MAD1L1: variants seen among roughly 807,000 people sequenced by gnomAD.
The protein encoded by MAD1L1 is mitotic arrest deficient 1 like 1, also known as mitotic spindle assembly checkpoint protein MAD1.
MAD1L1 carries 95 observed loss-of-function variants against 96.9 expected under a neutral mutation model. That is an observed-to-expected ratio of 0.98 (90% CI 0.83 to 1.16). MAD1L1 has a LOEUF of 1.16. Ranked by LOEUF, MAD1L1 falls within the 50% of genes most tolerant of loss-of-function variation. The pLI is 0.00. For synonymous variants in MAD1L1, 473 were observed against 396.6 expected (o/e 1.19, Z -2.29); for missense variants, 1,007 against 954.4 (o/e 1.06, Z -0.73).
At chr7:2,083,863 G>A (rs1010411511) in intron 11 of MAD1L1, among the ~76,000 whole-genome samples, 1 of 152,178 alleles carries the variant, frequency 6.6e-6, no homozygotes, top group African/African-American at 2.4e-5. Context: ...GTGTCTGCTG[G>A]GCCCATCCTG....
At chr7:2,001,958 A>C (rs1781816334) in intron 14 of MAD1L1, 107 bp downstream of exon 14, 1 of 1,143,596 alleles carries the variant, frequency 8.7e-7, no homozygotes, top group Non-Finnish European at 1.3e-6. Flanking sequence ...CAGAAGAGGC[A>C]GCCATGCACT....
chr7:1,864,829 T>C (rs1784704968), intron 18 of MAD1L1, among the ~76,000 whole-genome samples: 1 of 152,162 alleles, frequency 6.6e-6, no homozygotes, highest in African/African-American at 2.4e-5. Context: ...GCGTACTCTC[T>C]GCACACAACA....
rs558600849 is a variant in MAD1L1, at chr7:1,992,585, C to T, written c.1416+9480G>A. ...CCCTACAGAAAGGGCCTCCCTCCCT[C>T]CTATCAGCTCCAATCCTACATCTGC... On this transcript the variant is annotated intron_variant, in intron 14 of 18. Coordinates refer to ENST00000265854, the MANE Select transcript of MAD1L1 (RefSeq NM_001013836.2). 8.5e-5 allele frequency among the ~76,000 whole-genome samples: 13 copies of T among 152,296 alleles called. No individual in the cohort carries two copies. The South Asian group carries it at 1.5e-3, about 17-fold the overall frequency.
rs754107594 is a variant in MAD1L1 at position 2,220,880 on chromosome 7, G to A, written c.472-1424C>T. 6.2e-6 allele frequency: 10 copies of A among 1,608,062 alleles called. No homozygotes were observed. The East Asian group carries it at 6.7e-5, about 11-fold the overall frequency. ...GAGGTCTTCCGAACTCAATTAATACGCACCGTGTGCCAGGGGCAAGGCCAG... is the reference window on the plus strand; with the variant it reads ...GAGGTCTTCCGAACTCAATTAATACACACCGTGTGCCAGGGGCAAGGCCAG... On this transcript the variant is annotated intron_variant, in intron 5 of 18. Coordinates refer to ENST00000265854, the MANE Select transcript of MAD1L1 (RefSeq NM_001013836.2).
At chr7:2,223,796 G>A (rs762114261) in intron 4 of MAD1L1, among the ~76,000 whole-genome samples, 28 of 152,186 alleles carry the variant, frequency 1.8e-4, no homozygotes, top group Non-Finnish European at 3.4e-4. Context: ...CAGTCCCAGC[G>A]CAGACAGGGC....
intron 1 of MAD1L1, among the ~76,000 whole-genome samples, chr7:2,231,724 T>C (rs1161375600): frequency 1.3e-5 from 2 of 152,206 alleles, no homozygotes; most frequent in African/African-American, 4.8e-5. Flanking sequence ...TCATTGTTTA[T>C]TTCTAGTGAC....
At chr7:2,195,706 T>C (rs534369354) in intron 10 of MAD1L1, among the ~76,000 whole-genome samples, 5 of 152,350 alleles carry the variant, frequency 3.3e-5, no homozygotes, top group African/African-American at 9.6e-5. Context: ...AGTTAAACGC[T>C]TCCTCTCCCA....
intron 11 of MAD1L1, among the ~76,000 whole-genome samples, chr7:2,123,229 C>T (rs1443943887): frequency 6.8e-6 from 1 of 147,282 alleles, no homozygotes; most frequent in Non-Finnish European, 1.5e-5. Context: ...GGCATGAACC[C>T]GGAAAGCGGA....
intron 15 of MAD1L1, among the ~76,000 whole-genome samples, chr7:1,960,744 C>T (rs1020290502): frequency 6.6e-6 from 1 of 152,134 alleles, no homozygotes; most frequent in African/African-American, 2.4e-5. Context: ...GATAGAACAA[C>T]GGGCAAAAAA....
chr7:1,875,152 G>A (rs112592597), intron 18 of MAD1L1, among the ~76,000 whole-genome samples: 155 of 152,274 alleles, frequency 1.0e-3, no homozygotes, highest in Admixed American at 3.3e-3. Context: ...GGCTGCCCCA[G>A]AGCCCCCCAC....
intron 1 of MAD1L1, among the ~76,000 whole-genome samples, chr7:2,232,523 C>T (rs1794251140): frequency 6.6e-6 from 1 of 152,228 alleles, no homozygotes; most frequent in African/African-American, 2.4e-5. Context: ...GCCCGGGGAC[C>T]CACACGGTAG....
At chr7:1,878,715 A>G (rs1785514456) in intron 18 of MAD1L1, among the ~76,000 whole-genome samples, 1 of 140,872 alleles carries the variant, frequency 7.1e-6, no homozygotes, top group African/African-American at 2.6e-5. Context: ...CTAGCATCAG[A>G]AACAAGGTAA....
Position 2,114,041 on chromosome 7 carries a change from T to A in MAD1L1, c.1073+35111A>T, listed in dbSNP as rs1374591392. Among the ~76,000 whole-genome samples the A allele has an allele frequency of 6.6e-6, 1 of 152,096 alleles. No homozygotes were observed. Among genetic ancestry groups the A allele is most frequent in the Non-Finnish European group, 1.5e-5 (1 of 68,002 alleles). On this transcript the variant is annotated intron_variant, in intron 11 of 18. Coordinates refer to ENST00000265854, the MANE Select transcript of MAD1L1 (RefSeq NM_001013836.2). The surrounding 1 kb of genome is among the most constrained non-coding windows in gnomAD (Gnocchi z 4.2). ...GAGAGCCGGCAAGACCTGAACGCAG[T>A]CAGGACCCGCGCCTGCTGCACCCAG...
At chr7:2,124,961 C>CG (rs745314754) in intron 11 of MAD1L1, among the ~76,000 whole-genome samples, 13 of 152,170 alleles carry the variant, frequency 8.5e-5, no homozygotes, top group Non-Finnish European at 1.6e-4. Context: ...CCAGTGAGCA[C>CG]GGAGGACACA....
intron 12 of MAD1L1, among the ~76,000 whole-genome samples, chr7:2,058,832 A>G (rs1275644981): frequency 4.0e-4 from 23 of 57,882 alleles, no homozygotes; most frequent in Admixed American, 5.7e-4. Flanking sequence ...CAGAGGAGAG[A>G]AGCAGGGCTG....
At chr7:2,208,311 A>G (rs1432415357) in intron 10 of MAD1L1, among the ~76,000 whole-genome samples, 1 of 151,644 alleles carries the variant, frequency 6.6e-6, no homozygotes, top group Admixed American at 6.6e-5. Flanking sequence ...CTGGCTTGTC[A>G]TTTATTCCCT....
chr7:2,093,937 A>G lies in MAD1L1; in HGVS notation c.1074-24599T>C, dbSNP rs376889985. Among the ~76,000 whole-genome samples, 113 of 152,332 alleles carry G rather than the reference A, an allele frequency of 7.4e-4. 1 individual carries two copies. The highest frequency in any genetic ancestry group is 2.1e-3 in the African/African-American group (88 of 41,580). ...CGGAACCCCCAGAAGCTGCTCCCGAACTCATGACAGCAAGGCAGGGAGAGG... is the reference window on the plus strand; with the variant it reads ...CGGAACCCCCAGAAGCTGCTCCCGAGCTCATGACAGCAAGGCAGGGAGAGG... On this transcript the variant is annotated intron_variant, in intron 11 of 18. Coordinates refer to ENST00000265854, the MANE Select transcript of MAD1L1 (RefSeq NM_001013836.2).
intron 12 of MAD1L1, among the ~76,000 whole-genome samples, chr7:2,044,200 C>T (rs1195741781): frequency 6.6e-6 from 1 of 152,228 alleles, no homozygotes; most frequent in African/African-American, 2.4e-5. Flanking sequence ...ATCCAAGGGT[C>T]ACTCTTGCTC....
intron 12 of MAD1L1, among the ~76,000 whole-genome samples, chr7:2,044,222 C>T (rs1783821164): frequency 6.6e-6 from 1 of 152,256 alleles, no homozygotes; most frequent in Non-Finnish European, 1.5e-5. Flanking sequence ...TTCCTCCCAA[C>T]TTGTTCAGTC....
Sources: allele counts gnomAD v4.1 joint callset (sites outside exome capture counted in the v4.1 genomes callset), GRCh38; gene constraint gnomAD v4.1.1; non-coding constraint Gnocchi (gnomAD v3.1); transcripts MANE v1.5; gene names NCBI Gene and HGNC (gene_info 2026-07-23, HGNC 2026-07-21).